The following VPS26C variants were observed in gnomAD, a reference collection of about 807,000 sequenced individuals.
VPS26C encodes the protein VPS26 endosomal protein sorting factor C, also known as vacuolar protein sorting-associated protein 26C.
VPS26C carries 19 observed loss-of-function variants against 30.6 expected under a neutral mutation model. The observed-to-expected ratio is 0.62, with a 90% CI of 0.43 to 0.91. The LOEUF is 0.91. VPS26C is among the 40% of genes least tolerant of loss of function. The pLI is 0.00. For missense variants in VPS26C, 318 were observed against 385.1 expected (o/e 0.83, Z 1.46); for synonymous variants, 132 against 151.5 (o/e 0.87, Z 0.95).
rs189455314 is a variant in VPS26C at position 37,251,151 on chromosome 21, A to T, written c.58-10512T>A. Among the ~76,000 whole-genome samples the T allele has an allele frequency of 3.8e-3, 576 of 152,280 alleles. 8 individuals are homozygous for T. Among genetic ancestry groups the T allele is most frequent in the African/African-American group, 0.013 (521 of 41,548 alleles). ...TCTGCATTGCTGGGGATAACCTGAA[A>T]TGTTGCAACCTCGTGCCGGCTATTT... On this transcript the variant is annotated intron_variant, in intron 1 of 7. Transcript: ENST00000309117.
intron 1 of VPS26C, among the ~76,000 whole-genome samples, chr21:37,262,173 C>CG (rs1349610638): frequency 6.6e-6 from 1 of 152,116 alleles, no homozygotes; most frequent in Non-Finnish European, 1.5e-5. Context: ...TGAGGATGAG[C>CG]AACTATAAAC....
At chr21:37,267,356 G>T (rs369799571), upstream of VPS26C, 7 of 1,478,200 alleles carry the variant, frequency 4.7e-6, no homozygotes, top group Non-Finnish European at 5.7e-6. Context: ...AACAAGGGGC[G>T]CCTCCCCGCT....
rs1224579790 is a variant in VPS26C, at chr21:37,261,813, CTCA to C, written c.57+5422_57+5424del. On this transcript the variant is annotated intron_variant, in intron 1 of 7. Coordinates refer to ENST00000309117, the MANE Select transcript of VPS26C (RefSeq NM_006052.2). ...GCATGAGGTTACCAAACCATGAAAC[CTCA>C]TCAAGGTCCTTTGGAGCAGGGTCTT... 3 of 151,978 alleles carry C rather than the reference CTCA, an allele frequency of 2.0e-5. No individual in the cohort carries two copies. In the East Asian group the frequency reaches 5.8e-4, roughly 29 times the overall value. 9.4% of individuals were successfully genotyped at this position (151,978 alleles called of 1,614,324 possible).
In VPS26C at chr21:37,255,851, A is replaced by ATTTTTTTTTTTTTTTTTTTTTTTTTTTTT. The variant is rs375877407; in HGVS notation, c.57+11386_57+11387insAAAAAAAAAAAAAAAAAAAAAAAAAAAAA. Among the ~76,000 whole-genome samples the ATTTTTTTTTTTTTTTTTTTTTTTTTTTTT allele has an allele frequency of 8.3e-5, 9 of 108,460 alleles. 2 individuals carry two copies. Among genetic ancestry groups the ATTTTTTTTTTTTTTTTTTTTTTTTTTTTT allele is most frequent in the African/African-American group, 4.1e-4 (9 of 21,886 alleles). The allele number at this position is 108,460 out of a possible 152,430, so 71.2% of individuals were successfully genotyped here. The stretch of plus-strand genomic sequence containing the variant: ...TTTAAAGCCTCATTCTATGCACTGC[A>ATTTTTTTTTTTTTTTTTTTTTTTTTTTTT]TTTTTTTTTTTTTTTTTTTTTAGAT... On this transcript the variant is annotated intron_variant, in intron 1 of 7. Transcript: ENST00000309117.
At chr21:37,238,908 G>A (rs1427123705) in intron 2 of VPS26C, among the ~76,000 whole-genome samples, 1 of 152,148 alleles carries the variant, frequency 6.6e-6, no homozygotes, top group African/African-American at 2.4e-5. Context: ...TAACGACCCC[G>A]ATCTTCAGGA....
Position 37,232,705 on chromosome 21 carries a change from A to T in VPS26C, c.433-254T>A, listed in dbSNP as rs971456636. 4 of 574,650 alleles carry T rather than the reference A, an allele frequency of 7.0e-6. No homozygotes were observed. In the African/African-American group the frequency reaches 7.5e-5, roughly 11 times the overall value. The allele number at this position is 574,650 out of a possible 1,614,324, so 35.6% of individuals were successfully genotyped here. On this transcript the variant is annotated intron_variant, in intron 4 of 7. Coordinates refer to ENST00000309117, the MANE Select transcript of VPS26C (RefSeq NM_006052.2). ...ACGTGCCTTTCAGATTCAGAATTTTAAAATCAGATCTAAGAAACAGAACAG... is the reference window on the plus strand; with the variant it reads ...ACGTGCCTTTCAGATTCAGAATTTTTAAATCAGATCTAAGAAACAGAACAG...
intron 3 of VPS26C, 181 bp downstream of exon 3, chr21:37,238,279 G>A (rs889608794): frequency 1.1e-5 from 7 of 666,498 alleles, no homozygotes; most frequent in Non-Finnish European, 1.7e-5. Context: ...AGAAATAACG[G>A]CCATACATCA....
chr21:37,265,160 G>C (rs1238673117), intron 1 of VPS26C, among the ~76,000 whole-genome samples: 1 of 152,206 alleles, frequency 6.6e-6, no homozygotes, highest in South Asian at 2.1e-4. Flanking sequence ...CAGCTAATGG[G>C]TTCAGGGTTT....
At position 37,224,588 on chromosome 21, in the gene VPS26C, A is replaced by G. The variant is rs1267305011; in HGVS notation, c.*956T>C. Reference sequence around the variant, plus strand: ...GCGTGAGATTTTATGGCAGTTCTTGAGACTTCAGAAACACTTCGGCACCAG... The same window carrying G: ...GCGTGAGATTTTATGGCAGTTCTTGGGACTTCAGAAACACTTCGGCACCAG... On this transcript the variant is annotated 3_prime_UTR_variant, in exon 8 of 8. Coordinates refer to ENST00000309117, the MANE Select transcript of VPS26C (RefSeq NM_006052.2). 6.6e-6 allele frequency: 1 copy of G among 152,258 alleles called. No individual in the cohort carries two copies. The highest frequency in any genetic ancestry group is 1.5e-5 in the Non-Finnish European group (1 of 68,066). 9.4% of individuals were successfully genotyped at this position (152,258 alleles called of 1,614,324 possible). A position where few individuals can be genotyped will look rare whatever the true frequency, so the allele number is the denominator to read the frequency against.
chr21:37,259,076 A>C (rs1018061969), intron 1 of VPS26C, among the ~76,000 whole-genome samples: 58 of 152,172 alleles, frequency 3.8e-4, no homozygotes, highest in African/African-American at 1.3e-3. Flanking sequence ...ACCTCTCAAA[A>C]TTACCTTAAG....
chr21:37,253,245 T>A (rs2086211648), intron 1 of VPS26C, among the ~76,000 whole-genome samples: 1 of 150,862 alleles, frequency 6.6e-6, no homozygotes, highest in African/African-American at 2.5e-5. Context: ...ATTTGACAAC[T>A]TTTTTGGCAT....
chr21:37,240,354 G>T, intron 2 of VPS26C, 142 bp downstream of exon 2: 3 of 850,202 alleles, frequency 3.5e-6, no homozygotes, highest in Non-Finnish European at 5.4e-6. Context: ...CAAACTCCTG[G>T]GCTCAAGCGA....
chr21:37,258,632 G>A (rs1385574776), intron 1 of VPS26C, among the ~76,000 whole-genome samples: 2 of 152,200 alleles, frequency 1.3e-5, no homozygotes, highest in South Asian at 4.1e-4. Context: ...TGGCGACACG[G>A]AGTAGACTCC....
intron 1 of VPS26C, among the ~76,000 whole-genome samples, chr21:37,250,825 G>A (rs1008448699): frequency 1.3e-5 from 2 of 149,440 alleles, no homozygotes; most frequent in South Asian, 2.1e-4. Flanking sequence ...ACTTGAACCC[G>A]GGAGGCGGAG....
chr21:37,250,303 T>G (rs1208994031), intron 1 of VPS26C, among the ~76,000 whole-genome samples: 2 of 150,836 alleles, frequency 1.3e-5, no homozygotes, highest in East Asian at 3.9e-4. Context: ...AGACTCTCTC[T>G]TAAAAAAAAA....
At chr21:37,264,949 G>A (rs1892678) in intron 1 of VPS26C, among the ~76,000 whole-genome samples, 2,909 of 152,260 alleles carry the variant, frequency 0.019, 237 homozygotes, top group Admixed American at 0.15. Flanking sequence ...ATATTATTCA[G>A]CCACAGAAAG....
intron 5 of VPS26C, chr21:37,231,944 C>CGCA (rs2085969125): frequency 5.8e-6 from 1 of 173,384 alleles, no homozygotes; most frequent in East Asian, 1.6e-4. Flanking sequence ...TTGAAAAGCA[C>CGCA]GTTGCTGCCC....
rs886211196 is a variant in VPS26C, at chr21:37,241,165, T to G, written c.58-526A>C. ...GTCCTTTCTGCCCAGAAATGCCTAC[T>G]GTGAGCAAGACTGGAGGTTATTGGT... On this transcript the variant is annotated intron_variant, in intron 1 of 7. Coordinates refer to ENST00000309117, the MANE Select transcript of VPS26C (RefSeq NM_006052.2). 3.0e-4 allele frequency among the ~76,000 whole-genome samples: 46 copies of G among 152,198 alleles called. 1 individual carries two copies. The highest frequency in any genetic ancestry group is 1.1e-3 in the African/African-American group (44 of 41,446).
intron 1 of VPS26C, among the ~76,000 whole-genome samples, chr21:37,247,189 A>G (rs1473930955): frequency 1.3e-5 from 2 of 152,260 alleles, no homozygotes; most frequent in African/African-American, 4.8e-5. Flanking sequence ...CATAAGAGAC[A>G]GAGCAGATAA....
Sources: gnomAD v4.1 joint callset for allele counts (sites outside exome capture counted in the v4.1 genomes callset) on GRCh38, gnomAD v4.1.1 for gene constraint, MANE v1.5 for transcripts, NCBI Gene and HGNC (gene_info 2026-07-23, HGNC 2026-07-21) for gene names.